Variants in CDH13 observed in about 807,000 individuals in gnomAD.
CDH13 encodes cadherin 13.
In CDH13, 24 loss-of-function variants were observed where a neutral mutation model predicts 63.8. That is an observed-to-expected ratio of 0.38 (90% CI 0.27 to 0.53). The LOEUF is 0.53. Among genes scored for constraint, CDH13 ranks in the 20% least tolerant of loss-of-function variants. The pLI is 0.85. For synonymous variants in CDH13, 503 were observed against 355.3 expected (o/e 1.42, Z -4.67); for missense variants, 1,049 against 903.1 (o/e 1.16, Z -2.07).
At chr16:83,217,115 G>A (rs575932433) in intron 4 of CDH13, among the ~76,000 whole-genome samples, 20 of 152,236 alleles carry the variant, frequency 1.3e-4, no homozygotes, top group Non-Finnish European at 2.2e-4. Context: ...TATGTCACCC[G>A]AGTGCTGGTA....
intron 2 of CDH13, among the ~76,000 whole-genome samples, chr16:82,887,195 C>T (rs777780094): frequency 5.3e-5 from 8 of 152,112 alleles, no homozygotes; most frequent in Non-Finnish European, 7.4e-5. Flanking sequence ...AAAACTTTTA[C>T]TGTAAAGGGC....
In CDH13 at chr16:83,142,626, TTAAG is replaced by T. The variant is rs1352089120; in HGVS notation, c.483+17128_483+17131del. On this transcript the variant is annotated intron_variant, in intron 4 of 13. Coordinates refer to ENST00000567109, the MANE Select transcript of CDH13 (RefSeq NM_001257.5). The stretch of plus-strand genomic sequence containing the variant: ...GAGCACTGATCACACCAGTGATTAA[TTAAG>T]TATTTGTTCAATTGATTATGCAGCA... Among the ~76,000 whole-genome samples, 12 of 152,318 alleles carry T rather than the reference TTAAG, an allele frequency of 7.9e-5. 1 individual carries two copies. The highest frequency in any genetic ancestry group is 2.1e-4 in the South Asian group (1 of 4,826).
At chr16:83,667,914 C>T (rs1217227134) in intron 8 of CDH13, among the ~76,000 whole-genome samples, 6 of 152,160 alleles carry the variant, frequency 3.9e-5, no homozygotes, top group Admixed American at 3.3e-4. Context: ...CCTCCCACCT[C>T]AGCCTCCCAA....
At chr16:82,748,001 C>G (rs1210295584) in intron 1 of CDH13, among the ~76,000 whole-genome samples, 1 of 152,152 alleles carries the variant, frequency 6.6e-6, no homozygotes, top group Admixed American at 6.5e-5. Flanking sequence ...GAAGTAGATT[C>G]CATTTTACTT....
chr16:83,520,776 C>A (rs1192800629), intron 7 of CDH13, among the ~76,000 whole-genome samples: 1 of 152,084 alleles, frequency 6.6e-6, no homozygotes, highest in Non-Finnish European at 1.5e-5. Context: ...TTTCAGCTGG[C>A]CGGGAAGAGC....
chr16:83,360,575 C>T (rs574943613), intron 6 of CDH13, among the ~76,000 whole-genome samples: 1 of 152,092 alleles, frequency 6.6e-6, no homozygotes, highest in African/African-American at 2.4e-5. Flanking sequence ...CAGGTAGCAC[C>T]ATAGTACCTA....
intron 10 of CDH13, among the ~76,000 whole-genome samples, chr16:83,690,332 A>G (rs761525845): frequency 6.6e-6 from 1 of 152,176 alleles, no homozygotes; most frequent in African/African-American, 2.4e-5. Context: ...ATCACTCTAG[A>G]TAGAGGGTCA....
intron 1 of CDH13, among the ~76,000 whole-genome samples, chr16:82,637,077 T>G (rs141174081): frequency 1.4e-3 from 213 of 152,310 alleles, no homozygotes; most frequent in African/African-American, 4.8e-3. Flanking sequence ...GCTGCAAAGA[T>G]GCATGCAGAT....
chr16:82,783,380 CATT>C (rs1463591413), intron 1 of CDH13, among the ~76,000 whole-genome samples: 3 of 152,318 alleles, frequency 2.0e-5, no homozygotes, highest in African/African-American at 7.2e-5. Flanking sequence ...GCTGCATCAT[CATT>C]AACTCAGCTA....
chr16:83,402,620 T>G (rs540730090), intron 6 of CDH13, among the ~76,000 whole-genome samples: 2 of 152,370 alleles, frequency 1.3e-5, no homozygotes, highest in Admixed American at 1.3e-4. Flanking sequence ...CATAACTCAC[T>G]GTTCTCATTG....
intron 7 of CDH13, among the ~76,000 whole-genome samples, chr16:83,577,208 C>A (rs1420837997): frequency 6.6e-6 from 1 of 152,174 alleles, no homozygotes; most frequent in African/African-American, 2.4e-5. Flanking sequence ...TAATGGATGT[C>A]TTCATATAGG....
intron 2 of CDH13, among the ~76,000 whole-genome samples, chr16:83,010,872 C>G (rs994428318): frequency 6.6e-6 from 1 of 152,144 alleles, no homozygotes; most frequent in African/African-American, 2.4e-5. Flanking sequence ...TTGGTTCTCC[C>G]CATTCTTTAA....
intron 5 of CDH13, among the ~76,000 whole-genome samples, chr16:83,298,578 C>G (rs892561285): frequency 6.6e-6 from 1 of 152,144 alleles, no homozygotes; most frequent in African/African-American, 2.4e-5. Flanking sequence ...GCTTCCTAAG[C>G]ACTTAAAAAC....
intron 7 of CDH13, among the ~76,000 whole-genome samples, chr16:83,488,544 G>A (rs1330086346): frequency 1.3e-5 from 2 of 152,118 alleles, no homozygotes; most frequent in African/African-American, 2.4e-5. Context: ...GAATAGGGAA[G>A]TAGAAAAAGT....
At chr16:83,507,385 A>G (rs1388248093) in intron 7 of CDH13, among the ~76,000 whole-genome samples, 2 of 152,216 alleles carry the variant, frequency 1.3e-5, no homozygotes, top group Non-Finnish European at 2.9e-5. Flanking sequence ...ACCTGGGGAA[A>G]TTTAAACCAA....
intron 1 of CDH13, among the ~76,000 whole-genome samples, chr16:82,781,152 G>A (rs1306748328): frequency 6.6e-6 from 1 of 152,230 alleles, no homozygotes; most frequent in Non-Finnish European, 1.5e-5. Flanking sequence ...AAAAGTGGCA[G>A]TTTTAATATG....
At chr16:83,397,946 TG>T (rs1360123171) in intron 6 of CDH13, 1 of 151,952 alleles carries the variant, frequency 6.6e-6, no homozygotes, top group Non-Finnish European at 1.5e-5. Flanking sequence ...ACGCTAGTCT[TG>T]CCCCAGATGT....
intron 6 of CDH13, among the ~76,000 whole-genome samples, chr16:83,481,264 A>G (rs2073753818): frequency 6.6e-6 from 1 of 152,206 alleles, no homozygotes; most frequent in Admixed American, 6.5e-5. Context: ...TGATTCGCTT[A>G]TAGGAATAGC....
At chr16:83,183,197 G>A (rs1024993258) in intron 4 of CDH13, among the ~76,000 whole-genome samples, 5 of 152,130 alleles carry the variant, frequency 3.3e-5, no homozygotes, top group East Asian at 3.9e-4. Flanking sequence ...ATTTTTAGTC[G>A]TTTGAGTGGG....
Sources: gnomAD v4.1 joint callset for allele counts (sites outside exome capture counted in the v4.1 genomes callset) on GRCh38, gnomAD v4.1.1 for gene constraint, MANE v1.5 for transcripts, NCBI Gene and HGNC (gene_info 2026-07-23, HGNC 2026-07-21) for gene names.